Variants in PIK3CB observed in about 807,000 individuals in gnomAD.
The protein encoded by PIK3CB is phosphatidylinositol 4,5-bisphosphate 3-kinase catalytic subunit beta isoform.
PIK3CB carries 39 observed loss-of-function variants against 136.8 expected under a neutral mutation model. That is an observed-to-expected ratio of 0.29 (90% CI 0.22 to 0.37). The LOEUF (loss-of-function observed/expected upper bound fraction) is 0.37, where lower values mean the gene tolerates loss of function less well. PIK3CB is among the 10% of genes least tolerant of loss of function. The pLI is 1.00. For synonymous variants in PIK3CB, 428 were observed against 436.6 expected, an observed-to-expected ratio of 0.98 and a Z score of 0.25; for missense variants, 868 against 1,275.4, an observed-to-expected ratio of 0.68 and a Z score of 4.87.
Position 138,731,733 on chromosome 3 carries a change from C to T in PIK3CB, c.1050+1628G>A, listed in dbSNP as rs369487718. ...GGCGCAGTGGCTCACACTTGTAATC[C>T]CAGCACTTTGGGAGGCCACAGCAGG... On this transcript the variant is annotated intron_variant, in intron 8 of 23. Transcript: ENST00000674063. Among the ~76,000 whole-genome samples the T allele has an allele frequency of 1.4e-3, 219 of 151,604 alleles. 3 individuals carry two copies. The South Asian group carries it at 0.042, about 29-fold the overall frequency.
intron 12 of PIK3CB, among the ~76,000 whole-genome samples, chr3:138,702,741 TTTTTC>T (rs1208786429): frequency 6.6e-6 from 1 of 152,172 alleles, no homozygotes; most frequent in Non-Finnish European, 1.5e-5. Flanking sequence ...CTTTTTAAAG[TTTTTC>T]TTTTATTTTT....
chr3:138,696,012 C>A (rs1322790830), intron 13 of PIK3CB, among the ~76,000 whole-genome samples: 1 of 140,042 alleles, frequency 7.1e-6, no homozygotes, highest in African/African-American at 2.7e-5. Flanking sequence ...GTCAGGTGAT[C>A]CACCCACCTT....
At chr3:138,700,642 T>G (rs2044229738) in intron 12 of PIK3CB, among the ~76,000 whole-genome samples, 1 of 151,922 alleles carries the variant, frequency 6.6e-6, no homozygotes, top group East Asian at 1.9e-4. Context: ...GAGCTATGAC[T>G]GTACCATTGC....
intron 15 of PIK3CB, among the ~76,000 whole-genome samples, chr3:138,689,649 CA>C (rs757881948): frequency 5.3e-5 from 8 of 151,990 alleles, no homozygotes; most frequent in Non-Finnish European, 7.4e-5. Flanking sequence ...CTTCAAAGTT[CA>C]AAAGCTATGA....
At chr3:138,710,517 C>A (rs1203962077) in intron 10 of PIK3CB, among the ~76,000 whole-genome samples, 1 of 151,960 alleles carries the variant, frequency 6.6e-6, no homozygotes, top group Non-Finnish European at 1.5e-5. Flanking sequence ...AAAAAGAAAA[C>A]CACTATTATA....
At chr3:138,827,958 A>C (rs1933856478) in intron 1 of PIK3CB, among the ~76,000 whole-genome samples, 1 of 151,728 alleles carries the variant, frequency 6.6e-6, no homozygotes, top group South Asian at 2.1e-4. Flanking sequence ...ACTGCACTCC[A>C]ACCTGGGTGA....
intron 13 of PIK3CB, among the ~76,000 whole-genome samples, chr3:138,698,402 A>C (rs867938288): frequency 6.6e-6 from 1 of 152,216 alleles, no homozygotes; most frequent in Non-Finnish European, 1.5e-5. Context: ...TGGGTTTCTG[A>C]AGCAAAATGG....
At chr3:138,756,424 C>A (rs1406155137) in intron 3 of PIK3CB, among the ~76,000 whole-genome samples, 1 of 151,242 alleles carries the variant, frequency 6.6e-6, no homozygotes, top group Admixed American at 6.6e-5. Context: ...CAGGAGTAAT[C>A]AAAAAAAAAT....
At chr3:138,685,683 A>G (rs762716053) in intron 16 of PIK3CB, among the ~76,000 whole-genome samples, 12 of 152,178 alleles carry the variant, frequency 7.9e-5, no homozygotes, top group African/African-American at 1.2e-4. Context: ...ATTTTATAAT[A>G]AAGTGTGAAT....
intron 2 of PIK3CB, among the ~76,000 whole-genome samples, chr3:138,760,658 T>C (rs1028913074): frequency 4.6e-5 from 7 of 152,030 alleles, no homozygotes; most frequent in Non-Finnish European, 1.0e-4. Context: ...TGTAATACCA[T>C]TACTTGGGGA....
At chr3:138,714,759 T>C (rs1419139174) in intron 8 of PIK3CB, 40 bp from the exon 9 acceptor site, 12 of 1,501,658 alleles carry the variant, frequency 8.0e-6, no homozygotes, top group Middle Eastern at 1.8e-4. Context: ...AAGTCATGAA[T>C]ACTGTACCAC....
intron 8 of PIK3CB, among the ~76,000 whole-genome samples, chr3:138,727,210 T>C (rs1040547267): frequency 9.2e-5 from 14 of 152,204 alleles, no homozygotes; most frequent in Admixed American, 5.9e-4. Context: ...ATTTCTGTTA[T>C]AGACCTCATA....
At chr3:138,714,034 CCCA>C (rs1201693003) in intron 9 of PIK3CB, among the ~76,000 whole-genome samples, 3 of 152,098 alleles carry the variant, frequency 2.0e-5, no homozygotes, top group South Asian at 2.1e-4. Context: ...TGCCCCAGAC[CCCA>C]CAAGATATGT....
At chr3:138,678,108 CA>C (rs1319669276) in intron 19 of PIK3CB, among the ~76,000 whole-genome samples, 1 of 151,272 alleles carries the variant, frequency 6.6e-6, no homozygotes, top group Admixed American at 6.6e-5. Context: ...CTCTGTCTCT[CA>C]AAAAAAATTT....
chr3:138,750,356 G>C (rs2045445746), intron 4 of PIK3CB, among the ~76,000 whole-genome samples: 1 of 151,994 alleles, frequency 6.6e-6, no homozygotes, highest in Non-Finnish European at 1.5e-5. Context: ...CTATGCAATA[G>C]AATGGGGGTG....
intron 2 of PIK3CB, among the ~76,000 whole-genome samples, chr3:138,770,919 C>T (rs1453458036): frequency 1.3e-5 from 2 of 151,844 alleles, no homozygotes; most frequent in Admixed American, 6.6e-5. Flanking sequence ...ACCATGTTGG[C>T]CAGGCTAGTC....
At chr3:138,753,776 A>G (rs2045515552) in intron 4 of PIK3CB, among the ~76,000 whole-genome samples, 1 of 152,156 alleles carries the variant, frequency 6.6e-6, no homozygotes, top group Admixed American at 6.5e-5. Context: ...ACTGCACTCC[A>G]GCCTAGGTGA....
At chr3:138,665,471 T>C (rs1191529318) in intron 19 of PIK3CB, among the ~76,000 whole-genome samples, 2 of 152,226 alleles carry the variant, frequency 1.3e-5, no homozygotes, top group East Asian at 3.8e-4. Flanking sequence ...TATTTGCTTG[T>C]GTAGGTGGAC....
intron 19 of PIK3CB, among the ~76,000 whole-genome samples, chr3:138,666,331 T>C (rs1475602747): frequency 6.6e-6 from 1 of 152,142 alleles, no homozygotes; most frequent in Non-Finnish European, 1.5e-5. Flanking sequence ...CCACTACGCC[T>C]GGCTAGTTTT....
Sources: allele counts gnomAD v4.1 joint callset (sites outside exome capture counted in the v4.1 genomes callset), GRCh38; gene constraint gnomAD v4.1.1; transcripts MANE v1.5; gene names NCBI Gene and HGNC (gene_info 2026-07-23, HGNC 2026-07-21).